The following TPTE variants were observed in gnomAD, a reference collection of about 807,000 sequenced individuals.
The protein encoded by TPTE is putative tyrosine-protein phosphatase TPTE.
In TPTE, 59 loss-of-function variants were observed where a neutral mutation model predicts 84.1. The ratio of observed to expected loss-of-function variants is 0.70; its 90% confidence interval spans 0.57 to 0.87. The LOEUF (loss-of-function observed/expected upper bound fraction) is 0.87. Ranked by LOEUF, TPTE falls within the 40% of genes least tolerant of loss-of-function variation. The pLI is 0.00. For missense variants in TPTE, 382 were observed against 659.6 expected (o/e 0.58, Z 4.61); for synonymous variants, 130 against 223.5 (o/e 0.58, Z 3.73).
chr21:10,603,655 T>C (rs1978889810), intron 23 of TPTE, 23 bp downstream of exon 23: 1 of 1,607,306 alleles, frequency 6.2e-7, no homozygotes, highest in Non-Finnish European at 8.5e-7. Flanking sequence ...TAGAAACCCA[T>C]AGAAACAGCC....
intron 19 of TPTE, among the ~76,000 whole-genome samples, chr21:10,594,533 G>T (rs1204187846): frequency 1.3e-5 from 2 of 152,426 alleles, no homozygotes; most frequent in East Asian, 3.9e-4. Context: ...TGTAGGAGAA[G>T]GAAGCGTGGG....
intron 14 of TPTE, among the ~76,000 whole-genome samples, chr21:10,571,692 G>T (rs1330889320): frequency 2.6e-5 from 4 of 152,426 alleles, no homozygotes; most frequent in African/African-American, 7.2e-5. Context: ...TGGAGCTGAA[G>T]AATTTAAGGA....
intron 8 of TPTE, among the ~76,000 whole-genome samples, chr21:10,557,159 T>C (rs1188628591): frequency 2.0e-5 from 3 of 152,310 alleles, no homozygotes; most frequent in African/African-American, 7.2e-5. Flanking sequence ...CTTTGAGTAA[T>C]TGTTTTTAGG....
At chr21:10,534,880 A>G (rs2074240832) in intron 3 of TPTE, among the ~76,000 whole-genome samples, 1 of 152,310 alleles carries the variant, frequency 6.6e-6, no homozygotes, top group Admixed American at 6.5e-5. Flanking sequence ...AAACTGTTGG[A>G]TTGCCTGTGT....
chr21:10,536,068 A>G (rs1474185031), intron 3 of TPTE, among the ~76,000 whole-genome samples: 3 of 152,304 alleles, frequency 2.0e-5, no homozygotes, highest in Admixed American at 6.5e-5. Context: ...ACTTGAGGCC[A>G]GGAATTTGAG....
At chr21:10,528,689 AAT>A (rs2074124841) in intron 3 of TPTE, among the ~76,000 whole-genome samples, 1 of 152,312 alleles carries the variant, frequency 6.6e-6, no homozygotes, top group Admixed American at 6.5e-5. Context: ...TAAGATTACC[AAT>A]ATAGTCACCA....
intron 7 of TPTE, among the ~76,000 whole-genome samples, chr21:10,546,422 GCC>G (rs2074468763): frequency 1.3e-5 from 2 of 152,304 alleles, no homozygotes; most frequent in Admixed American, 1.3e-4. Context: ...CATTTAGTAA[GCC>G]TATGATGGTC....
chr21:10,586,673 A>C (rs2075372051), intron 17 of TPTE, among the ~76,000 whole-genome samples: 1 of 152,308 alleles, frequency 6.6e-6, no homozygotes, highest in African/African-American at 2.4e-5. Context: ...CTTGGAAGTC[A>C]TATACTGTTT....
chr21:10,544,769 A>G (rs139887920), intron 7 of TPTE, among the ~76,000 whole-genome samples: 759 of 152,156 alleles, frequency 5.0e-3, no homozygotes, highest in Non-Finnish European at 8.9e-3. Flanking sequence ...TACTGGAGGT[A>G]TTTGAACATG....
At chr21:10,550,224 T>A (rs1028141729) in intron 7 of TPTE, among the ~76,000 whole-genome samples, 1 of 152,296 alleles carries the variant, frequency 6.6e-6, no homozygotes, top group African/African-American at 2.4e-5. Context: ...ATGCAAAACC[T>A]CCTCACCTAC....
chr21:10,533,045 T>C (rs1360369171), intron 3 of TPTE, among the ~76,000 whole-genome samples: 1 of 152,296 alleles, frequency 6.6e-6, no homozygotes, highest in African/African-American at 2.4e-5. Flanking sequence ...CATTTTATTT[T>C]GCATTTTTAG....
At chr21:10,525,565 C>T (rs569188438) in intron 2 of TPTE, among the ~76,000 whole-genome samples, 200 of 152,312 alleles carry the variant, frequency 1.3e-3, no homozygotes, top group African/African-American at 4.7e-3. Flanking sequence ...CAGATTTGGT[C>T]GGAGACCTAC....
At chr21:10,601,944 G>A (rs1454057381) in intron 21 of TPTE, 114 bp from the exon 22 acceptor site, 15 of 1,110,886 alleles carry the variant, frequency 1.4e-5, no homozygotes, top group Admixed American at 1.9e-5. Context: ...GTAGTGATTG[G>A]GCTGTGAGAC....
At chr21:10,582,427 C>T (rs1419101971) in intron 17 of TPTE, among the ~76,000 whole-genome samples, 1 of 152,310 alleles carries the variant, frequency 6.6e-6, no homozygotes, top group Non-Finnish European at 1.5e-5. Context: ...TCTTGCTCTT[C>T]TTGGAACTTT....
intron 10 of TPTE, among the ~76,000 whole-genome samples, chr21:10,562,732 A>G (rs1453161831): frequency 5.9e-5 from 9 of 152,304 alleles, no homozygotes; most frequent in African/African-American, 1.9e-4. Context: ...GACAAAGGAA[A>G]GAATAAAAAA....
intron 7 of TPTE, among the ~76,000 whole-genome samples, chr21:10,545,069 G>T (rs469661): frequency 6.6e-6 from 1 of 151,948 alleles, no homozygotes; most frequent in Non-Finnish European, 1.5e-5. Flanking sequence ...GCTAATTTGT[G>T]TCAGAAAATT....
intron 21 of TPTE, among the ~76,000 whole-genome samples, chr21:10,601,657 AG>A (rs1415669570): frequency 6.6e-6 from 1 of 152,306 alleles, no homozygotes; most frequent in African/African-American, 2.4e-5. Flanking sequence ...GTTTGAGACC[AG>A]CCTGCCTAAT....
At position 10,572,177 on chromosome 21, in the gene TPTE, C is replaced by T. The variant is rs10433263; in HGVS notation, c.795+1628C>T. Among the ~76,000 whole-genome samples the T allele has an allele frequency of 1.6e-4, 25 of 152,348 alleles. No homozygotes were observed. In the East Asian group the frequency reaches 1.9e-3, roughly 12 times the overall value. ...AAAAAGAGGGAATATTCATCAGGTG[C>T]GGTGTCTCACACCTGTAATCCCAGC... On this transcript the variant is annotated intron_variant, in intron 14 of 23. Transcript: ENST00000618007.
chr21:10,552,691 G>C lies in TPTE; in HGVS notation c.208G>C (p.Asp70His), dbSNP rs1455342655. ...ACGACTTTCCAAGTTTGAAGTTGAAGATGCTGAAAATGTTGCTTCATATGA... is the reference window on the plus strand; with the variant it reads ...ACGACTTTCCAAGTTTGAAGTTGAACATGCTGAAAATGTTGCTTCATATGA... ...LARLSKFEVE[D>H]AENVASYDSK... Residue 70 changes from aspartate to histidine, a missense_variant, in exon 8 of 24, where the codon GAT (aspartate) becomes CAT (histidine). Physicochemically the swap from Asp to His is moderately conservative, Grantham distance 81 (BLOSUM62 -1). This residue lies in a region of TPTE where 2 missense variants were observed against 46.7 expected (regional missense o/e 0.04). Transcript: ENST00000618007. The C allele has an allele frequency of 1.9e-6, 3 of 1,613,760 alleles. No individual in the cohort carries two copies. The African/African-American group carries it at 4.0e-5, about 22-fold the overall frequency.
Sources: gnomAD v4.1 joint callset for allele counts (sites outside exome capture counted in the v4.1 genomes callset) on GRCh38, gnomAD v4.1.1 for gene constraint, gnomAD v4.1.1 regional missense constraint, MANE v1.5 for transcripts, NCBI Gene and HGNC (gene_info 2026-07-23, HGNC 2026-07-21) for gene names.